Variants in MGAT4D observed in about 807,000 individuals in gnomAD.
MGAT4D encodes alpha-1,3-mannosyl-glycoprotein 4-beta-N-acetylglucosaminyltransferase-like protein MGAT4D.
A neutral mutation model predicts 15.9 loss-of-function variants in MGAT4D; 34 were observed. The ratio of observed to expected loss-of-function variants is 2.14; its 90% CI spans 1.62 to 2.84. The LOEUF (loss-of-function observed/expected upper bound fraction) is 2.84, where lower values mean the gene tolerates loss of function less well. MGAT4D is among the 30% of genes most tolerant of loss of function. The pLI is 0.00. For missense variants in MGAT4D, 327 were observed against 140.2 expected, an observed-to-expected ratio of 2.33 and a Z score of -6.73; for synonymous variants, 112 against 48.2, an observed-to-expected ratio of 2.33 and a Z score of -5.49.
At chr4:140,475,323 G>T (rs1410104563) in intron 3 of MGAT4D, among the ~76,000 whole-genome samples, 1 of 151,976 alleles carries the variant, frequency 6.6e-6, no homozygotes, top group African/African-American at 2.4e-5. Context: ...ATCCAAAACA[G>T]GAAAAAATTA....
At chr4:140,481,009 T>C (rs1057483269) in intron 2 of MGAT4D, among the ~76,000 whole-genome samples, 1 of 152,118 alleles carries the variant, frequency 6.6e-6, no homozygotes, top group African/African-American at 2.4e-5. Flanking sequence ...CTATGAGATA[T>C]CATGACATTA....
chr4:140,463,894 T>C (rs754539505), intron 6 of MGAT4D, among the ~76,000 whole-genome samples: 12 of 152,112 alleles, frequency 7.9e-5, no homozygotes, highest in Non-Finnish European at 1.8e-4. Flanking sequence ...GGGTACAGCA[T>C]GAAGAATGAA....
chr4:140,448,347 T>C (rs1409719745), intron 10 of MGAT4D, among the ~76,000 whole-genome samples: 1 of 152,222 alleles, frequency 6.6e-6, no homozygotes, highest in Non-Finnish European at 1.5e-5. Flanking sequence ...TAGTGATTCA[T>C]AGATCTGGCC....
intron 5 of MGAT4D, among the ~76,000 whole-genome samples, chr4:140,471,225 T>TC (rs1731922031): frequency 1.3e-5 from 2 of 149,688 alleles, no homozygotes; most frequent in Non-Finnish European, 3.0e-5. Context: ...TTCTCCTTTT[T>TC]GTTTCCTTCC....
intron 6 of MGAT4D, among the ~76,000 whole-genome samples, 183 bp downstream of exon 6, chr4:140,464,713 C>T (rs770584972): frequency 1.8e-4 from 27 of 152,194 alleles, no homozygotes; most frequent in Admixed American, 9.8e-4. Flanking sequence ...GTGGCTAATG[C>T]TATCAACTCG....
chr4:140,462,046 A>G (rs767238908), intron 6 of MGAT4D, 42 bp from the exon 7 acceptor site: 64 of 685,966 alleles, frequency 9.3e-5, no homozygotes, highest in Non-Finnish European at 1.5e-4. Context: ...TGTCATTATT[A>G]ATTTTTATTT....
In MGAT4D at chr4:140,451,512, G is replaced by A; in HGVS notation, c.1014C>T (p.Asn338=). The A allele has an allele frequency of 1.8e-6, 1 of 547,542 alleles. No homozygotes were observed. The highest frequency in any genetic ancestry group is 3.3e-6 in the Non-Finnish European group (1 of 300,448). The allele number at this position is 547,542 out of a possible 1,614,324, so 33.9% of individuals were successfully genotyped here. A position where few individuals can be genotyped will look rare whatever the true frequency, so the allele number is the denominator to read the frequency against. The stretch of plus-strand genomic sequence containing the variant: ...GTATTTGCTTCTTTCGTTTCATACA[G>A]TTTCTCTGGGGAAAAAGAAACAACA... The part of the protein sequence containing the change: ...KVCDAGEDLR[N]CMKRKKQIRI... The change falls in exon 10 of 11, where the codon AAC becomes AAT. Residue 338 remains asparagine, a synonymous_variant. Coordinates refer to ENST00000511113, the MANE Select transcript of MGAT4D (RefSeq NM_001277353.2).
intron 3 of MGAT4D, among the ~76,000 whole-genome samples, chr4:140,477,565 G>A (rs986584333): frequency 6.6e-6 from 1 of 152,228 alleles, no homozygotes; most frequent in Non-Finnish European, 1.5e-5. Context: ...AGCACATGCA[G>A]AATATATGAA....
At chr4:140,456,088 T>C (rs751567896) in intron 9 of MGAT4D, among the ~76,000 whole-genome samples, 4 of 152,124 alleles carry the variant, frequency 2.6e-5, no homozygotes, top group Non-Finnish European at 5.9e-5. Context: ...CAGTGAGCTG[T>C]GATTGTGCCA....
At chr4:140,475,863 G>A (rs1374344562) in intron 3 of MGAT4D, among the ~76,000 whole-genome samples, 4 of 140,772 alleles carry the variant, frequency 2.8e-5, no homozygotes, top group African/African-American at 8.0e-5. Context: ...CAAGGCTGGA[G>A]TGCAATGGCT....
chr4:140,469,596 C>T (rs935966696), intron 5 of MGAT4D, among the ~76,000 whole-genome samples: 6 of 152,092 alleles, frequency 3.9e-5, no homozygotes, highest in African/African-American at 1.2e-4. Flanking sequence ...TTTCTTTCTT[C>T]CCCCATCCCC....
At chr4:140,446,725 T>A (rs998702821) in intron 10 of MGAT4D, among the ~76,000 whole-genome samples, 3 of 142,996 alleles carry the variant, frequency 2.1e-5, no homozygotes, top group Admixed American at 7.4e-5. Context: ...TTGGAGCTGG[T>A]TTGCTTTTGC....
chr4:140,450,880 C>T (rs972309886), intron 10 of MGAT4D, among the ~76,000 whole-genome samples: 2 of 152,040 alleles, frequency 1.3e-5, no homozygotes, highest in African/African-American at 4.8e-5. Context: ...CCTTGAATTC[C>T]TTGTTTCTTC....
At chr4:140,479,857 A>G (rs1732582184) in intron 2 of MGAT4D, among the ~76,000 whole-genome samples, 1 of 152,150 alleles carries the variant, frequency 6.6e-6, no homozygotes, top group African/African-American at 2.4e-5. Flanking sequence ...TAGAATTATA[A>G]GATACACAGA....
chr4:140,485,297 A>G (rs1733029101), intron 1 of MGAT4D, among the ~76,000 whole-genome samples: 1 of 152,308 alleles, frequency 6.6e-6, no homozygotes, highest in Non-Finnish European at 1.5e-5. Context: ...AAACTATCAC[A>G]AGGACAAAAA....
Position 140,492,146 on chromosome 4 carries a change from TG to T in MGAT4D, c.94+5982del, listed in dbSNP as rs761592453. Among the ~76,000 whole-genome samples, 6 of 151,956 alleles carry T rather than the reference TG, an allele frequency of 3.9e-5. No individual in the cohort carries two copies. The East Asian group carries it at 7.7e-4, about 20-fold the overall frequency. On this transcript the variant is annotated intron_variant, in intron 1 of 10. Transcript: ENST00000511113. ...TGCCTTTTAAAAGGTAGTTGCCTTG[TG>T]GGGGGGAAAATGTATAATATTGCTA...
Position 140,474,854 on chromosome 4 carries a change from A to G in MGAT4D, c.484T>C (p.Ser162Pro). The change falls in exon 4 of 11, where the codon TCC (serine) becomes CCC (proline). Residue 162 changes from serine to proline, a missense_variant. Coordinates refer to ENST00000511113, the MANE Select transcript of MGAT4D (RefSeq NM_001277353.2). ...LTSVVSRMTL[S>P]QEKDSVVIVL... ...ATCACTACAGAATCCTTCTCTTGGGAGAGCGTCATCCTGGAGACAACAGAG... is the reference window on the plus strand; with the variant it reads ...ATCACTACAGAATCCTTCTCTTGGGGGAGCGTCATCCTGGAGACAACAGAG... 4.3e-6 allele frequency: 3 copies of G among 698,384 alleles called. No homozygotes were observed. Among genetic ancestry groups the G allele is most frequent in the Non-Finnish European group, 7.8e-6 (3 of 383,336 alleles). 43.3% of individuals were successfully genotyped at this position (698,384 alleles called of 1,614,324 possible). A position where few individuals can be genotyped will look rare whatever the true frequency, so the allele number is the denominator to read the frequency against.
chr4:140,493,249 G>C (rs549053624), intron 1 of MGAT4D, among the ~76,000 whole-genome samples: 1 of 150,012 alleles, frequency 6.7e-6, no homozygotes, highest in Non-Finnish European at 1.5e-5. Context: ...ATGATACTAC[G>C]GTACTCTCCC....
Position 140,474,817 on chromosome 4 carries a change from G to T in MGAT4D, c.521C>A (p.Ala174Glu). ...EKDSVVIVLVADSNEDYLHSV... is the reference protein window; with the variant it reads ...EKDSVVIVLVEDSNEDYLHSV... Reference sequence around the variant, plus strand: ...CTCCTTATTTTGTATACGTACATCTGCAACCAAGACAATCACTACAGAATC... The same window carrying T: ...CTCCTTATTTTGTATACGTACATCTTCAACCAAGACAATCACTACAGAATC... The change falls in exon 4 of 11, where the codon GCA becomes GAA. Residue 174 changes from alanine (A) to glutamate (E), a missense_variant. Coordinates refer to ENST00000511113, the MANE Select transcript of MGAT4D (RefSeq NM_001277353.2). 1 of 674,978 alleles carries T rather than the reference G, an allele frequency of 1.5e-6. No homozygotes were observed. Among genetic ancestry groups the T allele is most frequent in the South Asian group, 1.6e-5 (1 of 62,242 alleles). The allele number at this position is 674,978 out of a possible 1,614,324, so 41.8% of individuals were successfully genotyped here.
Sources: allele counts gnomAD v4.1 joint callset (sites outside exome capture counted in the v4.1 genomes callset), GRCh38; gene constraint gnomAD v4.1.1; transcripts MANE v1.5; gene names NCBI Gene and HGNC (gene_info 2026-07-23, HGNC 2026-07-21).